The following CNTN3 variants were observed in gnomAD, a reference collection of about 807,000 sequenced individuals.
The protein encoded by CNTN3 is contactin-3.
Under a neutral mutation model 119.1 loss-of-function variants are expected in CNTN3, and 60 were observed. The observed-to-expected ratio is 0.50, with a 90% CI of 0.41 to 0.62. The LOEUF (loss-of-function observed/expected upper bound fraction) is 0.62. Ranked by LOEUF, CNTN3 falls within the 20% of genes least tolerant of loss-of-function variation. CNTN3 has a pLI of 0.00. For missense variants in CNTN3, 1,101 were observed against 1,242.4 expected, an observed-to-expected ratio of 0.89 and a Z score of 1.71; for synonymous variants, 450 against 438.7, an observed-to-expected ratio of 1.03 and a Z score of -0.32.
In CNTN3 at chr3:74,570,038, C is replaced by T. The variant is rs181168186; in HGVS notation, c.-81+44353G>A. ...AGCTCTTATGCATAACCCCCACAGC[C>T]GGCTTCTGCAAGCAGCCTGAGAAAA... is the stretch of plus-strand genomic sequence containing the variant. On this transcript the variant is annotated intron_variant, in intron 1 of 22. Transcript: ENST00000263665. Among the ~76,000 whole-genome samples the T allele has an allele frequency of 6.0e-4, 91 of 152,200 alleles. 2 individuals carry two copies. The highest frequency in any genetic ancestry group is 3.4e-3 in the Middle Eastern group (1 of 292).
intron 20 of CNTN3, among the ~76,000 whole-genome samples, chr3:74,284,579 G>A (rs1372408957): frequency 6.6e-6 from 1 of 152,126 alleles, no homozygotes; most frequent in Non-Finnish European, 1.5e-5. Flanking sequence ...AATGACAATA[G>A]TAACTTAAAC....
chr3:74,469,235 G>T (rs1702517044), intron 4 of CNTN3, among the ~76,000 whole-genome samples: 1 of 152,046 alleles, frequency 6.6e-6, no homozygotes, highest in Non-Finnish European at 1.5e-5. Context: ...TACAACCCAG[G>T]TCTTCCAGGA....
intron 5 of CNTN3, among the ~76,000 whole-genome samples, chr3:74,409,965 T>G (rs1301377223): frequency 6.6e-6 from 1 of 152,190 alleles, no homozygotes; most frequent in Non-Finnish European, 1.5e-5. Flanking sequence ...TCCAACATAC[T>G]TCACCAAGGA....
chr3:74,541,493 T>G (rs187337269), intron 1 of CNTN3, among the ~76,000 whole-genome samples: 1 of 150,514 alleles, frequency 6.6e-6, no homozygotes, highest in Non-Finnish European at 1.5e-5. Context: ...TGCAGAAGAA[T>G]AGAGTATATT....
At chr3:74,362,117 C>A in intron 10 of CNTN3, 77 bp from the exon 11 acceptor site, 1 of 1,535,608 alleles carries the variant, frequency 6.5e-7, no homozygotes, top group Non-Finnish European at 8.9e-7. Context: ...TCCACTTTTA[C>A]AGTTTTAAAA....
At chr3:74,459,555 G>A (rs1338989430) in intron 4 of CNTN3, among the ~76,000 whole-genome samples, 1 of 151,892 alleles carries the variant, frequency 6.6e-6, no homozygotes, top group East Asian at 1.9e-4. Flanking sequence ...TAAATTCTAG[G>A]GTTCAAACAT....
At chr3:74,349,018 G>T (rs927899427) in intron 11 of CNTN3, among the ~76,000 whole-genome samples, 2 of 151,898 alleles carry the variant, frequency 1.3e-5, no homozygotes, top group African/African-American at 4.8e-5. Context: ...CCTAGGAATT[G>T]GAGACTGCAA....
intron 3 of CNTN3, among the ~76,000 whole-genome samples, chr3:74,488,765 G>A (rs78913131): frequency 0.026 from 3,992 of 152,256 alleles, 184 homozygotes; most frequent in East Asian, 0.24. Flanking sequence ...ATGAAATTAA[G>A]AGAATAAACT....
intron 1 of CNTN3, among the ~76,000 whole-genome samples, chr3:74,568,649 T>A (rs941098713): frequency 3.3e-5 from 5 of 152,204 alleles, no homozygotes; most frequent in Admixed American, 2.6e-4. Context: ...ATGTAACTAC[T>A]AAATTCTGGA....
At chr3:74,594,579 G>A (rs1272872575) in intron 1 of CNTN3, among the ~76,000 whole-genome samples, 2 of 151,944 alleles carry the variant, frequency 1.3e-5, no homozygotes, top group Non-Finnish European at 2.9e-5. Flanking sequence ...TTGCTGAGAA[G>A]AATGATGATT....
intron 1 of CNTN3, among the ~76,000 whole-genome samples, chr3:74,521,460 A>G (rs1359574440): frequency 6.6e-6 from 1 of 151,264 alleles, no homozygotes; most frequent in Non-Finnish European, 1.5e-5. Context: ...ATTAATTATT[A>G]AAAATTTTGC....
intron 5 of CNTN3, among the ~76,000 whole-genome samples, chr3:74,391,672 T>C (rs1461508053): frequency 6.6e-6 from 1 of 151,408 alleles, no homozygotes; most frequent in Non-Finnish European, 1.5e-5. Context: ...GTTCAAGTGA[T>C]TCTCCTGTCT....
chr3:74,296,737 T>G (rs1702344940), intron 18 of CNTN3, among the ~76,000 whole-genome samples: 1 of 152,218 alleles, frequency 6.6e-6, no homozygotes, highest in South Asian at 2.1e-4. Flanking sequence ...GCAAATTTAT[T>G]ACTCTCTTTC....
rs1398331802 is a variant in CNTN3 at position 74,486,444 on chromosome 3, A to T, written c.358+12T>A. The T allele has an allele frequency of 1.9e-6, 3 of 1,581,752 alleles. No homozygotes were observed. The highest frequency in any genetic ancestry group is 2.6e-6 in the Non-Finnish European group (3 of 1,171,234). ...AATGTTGGATTTGCTAGACATGTGA[A>T]CATAAACTTACAGGCAAACTGAAGT... On this transcript the variant is annotated intron_variant, in intron 4 of 22. Coordinates refer to ENST00000263665, the MANE Select transcript of CNTN3 (RefSeq NM_020872.3).
intron 5 of CNTN3, among the ~76,000 whole-genome samples, chr3:74,376,749 A>G (rs183704226): frequency 6.6e-6 from 1 of 152,288 alleles, no homozygotes; most frequent in Admixed American, 6.5e-5. Flanking sequence ...CCAGGTGCCA[A>G]AAAGTTTGGG....
chr3:74,430,268 T>C (rs1296483679), intron 4 of CNTN3, among the ~76,000 whole-genome samples: 1 of 152,166 alleles, frequency 6.6e-6, no homozygotes, highest in East Asian at 1.9e-4. Flanking sequence ...AATGGCTAAA[T>C]GCACAGTGCT....
At chr3:74,329,235 G>T (rs1445209728) in intron 13 of CNTN3, among the ~76,000 whole-genome samples, 5 of 152,100 alleles carry the variant, frequency 3.3e-5, no homozygotes, top group African/African-American at 1.2e-4. Context: ...TGTAACTAGA[G>T]TGAAATTGTG....
intron 13 of CNTN3, among the ~76,000 whole-genome samples, chr3:74,325,708 G>A (rs981497325): frequency 1.3e-5 from 2 of 152,102 alleles, no homozygotes; most frequent in African/African-American, 4.8e-5. Flanking sequence ...ATACCTCTAA[G>A]TAAAGTATTA....
At chr3:74,460,772 CATATATATATATATATATATATAT>C (rs71129755) in intron 4 of CNTN3, among the ~76,000 whole-genome samples, 1,109 of 89,510 alleles carry the variant, frequency 0.012, 27 homozygotes, top group Admixed American at 0.017. Flanking sequence ...TTCTTATTTT[CATATATATATATATATATATATAT>C]ATATATATAT....
Sources: allele counts gnomAD v4.1 joint callset (sites outside exome capture counted in the v4.1 genomes callset), GRCh38; gene constraint gnomAD v4.1.1; transcripts MANE v1.5; gene names NCBI Gene and HGNC (gene_info 2026-07-23, HGNC 2026-07-21).